MGMT: variants seen among roughly 807,000 people sequenced by gnomAD.
MGMT encodes methylated-DNA--protein-cysteine methyltransferase.
MGMT carries 14 observed loss-of-function variants against 15.9 expected under a neutral mutation model. The ratio of observed to expected loss-of-function variants is 0.88; its 90% CI spans 0.58 to 1.37. The LOEUF (loss-of-function observed/expected upper bound fraction) is 1.37. Among genes scored for constraint, MGMT ranks in the 40% most tolerant of loss-of-function variants. MGMT has a pLI of 0.00. For synonymous variants in MGMT, 130 were observed against 118.2 expected, an observed-to-expected ratio of 1.10 and a Z score of -0.65; for missense variants, 282 against 268.1, an observed-to-expected ratio of 1.05 and a Z score of -0.36.
chr10:129,544,489 T>C (rs774100380), intron 2 of MGMT, among the ~76,000 whole-genome samples: 5 of 152,202 alleles, frequency 3.3e-5, no homozygotes, highest in Admixed American at 6.5e-5. Context: ...GTATCCTGTC[T>C]AGGATTCATA....
intron 2 of MGMT, among the ~76,000 whole-genome samples, chr10:129,637,731 G>C (rs1847278304): frequency 6.6e-6 from 1 of 152,158 alleles, no homozygotes; most frequent in Admixed American, 6.5e-5. Context: ...GTCCTTATAA[G>C]AAGAGGAGAT....
At chr10:129,675,083 A>ACC (rs1847768900) in intron 2 of MGMT, among the ~76,000 whole-genome samples, 1 of 152,084 alleles carries the variant, frequency 6.6e-6, no homozygotes, top group South Asian at 2.1e-4. Flanking sequence ...GTGAAGAAGG[A>ACC]CCCCACCTTG....
intron 2 of MGMT, among the ~76,000 whole-genome samples, chr10:129,637,496 GGAGGGCT>G (rs1230963693): frequency 6.6e-6 from 1 of 152,194 alleles, no homozygotes; most frequent in African/African-American, 2.4e-5. Flanking sequence ...TACGATTTTA[GGAGGGCT>G]GAGAGTAGAT....
At chr10:129,657,703 A>ACACACACACACG (rs1467822718) in intron 2 of MGMT, among the ~76,000 whole-genome samples, 29 of 124,610 alleles carry the variant, frequency 2.3e-4, no homozygotes, top group East Asian at 1.2e-3. Flanking sequence ...ACACACACAC[A>ACACACACACACG]CACGCACACA....
chr10:129,468,173 T>C (rs1451204794), intron 1 of MGMT, among the ~76,000 whole-genome samples: 1 of 152,208 alleles, frequency 6.6e-6, no homozygotes, highest in Admixed American at 6.5e-5. Flanking sequence ...AGTCAGGCTC[T>C]CCCGTCATCT....
At chr10:129,652,372 A>G (rs1299563765) in intron 2 of MGMT, among the ~76,000 whole-genome samples, 2 of 152,070 alleles carry the variant, frequency 1.3e-5, no homozygotes, top group African/African-American at 4.8e-5. Flanking sequence ...GCCTGCCTGC[A>G]CGGTGGGTCC....
chr10:129,647,580 T>C (rs1483070623), intron 2 of MGMT, among the ~76,000 whole-genome samples: 3 of 152,214 alleles, frequency 2.0e-5, no homozygotes, highest in Admixed American at 6.5e-5. Flanking sequence ...CAAGAGATCC[T>C]AAACATTTTT....
intron 1 of MGMT, among the ~76,000 whole-genome samples, chr10:129,487,957 ACAC>A: frequency 7.4e-6 from 1 of 135,170 alleles, no homozygotes; most frequent in African/African-American, 3.5e-5. Flanking sequence ...ACACACAAAC[ACAC>A]ATAGGTGTAT....
intron 2 of MGMT, among the ~76,000 whole-genome samples, chr10:129,674,297 TC>T: frequency 6.6e-6 from 1 of 152,096 alleles, no homozygotes. Flanking sequence ...TAGTATAAAC[TC>T]CTCACTGACG....
intron 2 of MGMT, among the ~76,000 whole-genome samples, chr10:129,665,750 T>C (rs996906537): frequency 2.6e-5 from 4 of 152,198 alleles, no homozygotes; most frequent in Non-Finnish European, 5.9e-5. Flanking sequence ...AGGGTGAGTT[T>C]TACTTCATGT....
At chr10:129,722,810 A>G (rs995901823) in intron 3 of MGMT, among the ~76,000 whole-genome samples, 1 of 152,142 alleles carries the variant, frequency 6.6e-6, no homozygotes, top group Non-Finnish European at 1.5e-5. Context: ...GTTCAAGACC[A>G]GCCTTGCAAA....
At chr10:129,561,342 G>A (rs1376495095) in intron 2 of MGMT, among the ~76,000 whole-genome samples, 1 of 152,118 alleles carries the variant, frequency 6.6e-6, no homozygotes, top group East Asian at 1.9e-4. Context: ...CGGCGAGCGA[G>A]GAGGTCGGGA....
chr10:129,760,937 C>T (rs769570764), intron 4 of MGMT, among the ~76,000 whole-genome samples: 6 of 152,196 alleles, frequency 3.9e-5, no homozygotes, highest in Non-Finnish European at 7.3e-5. Context: ...TGTCATAAAA[C>T]ATCTGCACCA....
intron 1 of MGMT, among the ~76,000 whole-genome samples, chr10:129,515,765 G>C (rs1011070598): frequency 5.9e-5 from 9 of 152,164 alleles, no homozygotes; most frequent in African/African-American, 2.2e-4. Flanking sequence ...CCTGTGGACT[G>C]TAAAAGCAGG....
intron 1 of MGMT, among the ~76,000 whole-genome samples, chr10:129,507,622 C>T (rs1057084881): frequency 2.0e-4 from 31 of 152,064 alleles, no homozygotes; most frequent in African/African-American, 5.1e-4. Flanking sequence ...GAGAGTGGGC[C>T]GGAGGAGATG....
chr10:129,620,704 T>C (rs180984655), intron 2 of MGMT, among the ~76,000 whole-genome samples: 4 of 152,358 alleles, frequency 2.6e-5, no homozygotes, highest in Admixed American at 2.0e-4. Flanking sequence ...TTGATCTATT[T>C]CTTTATATTT....
intron 1 of MGMT, among the ~76,000 whole-genome samples, chr10:129,529,861 CTT>C (rs1845911386): frequency 6.6e-6 from 1 of 151,974 alleles, no homozygotes; most frequent in South Asian, 2.1e-4. Flanking sequence ...TTGGGGTACT[CTT>C]TATTTCTTTG....
intron 3 of MGMT, among the ~76,000 whole-genome samples, chr10:129,729,957 G>T (rs1172610175): frequency 2.6e-5 from 4 of 152,114 alleles, no homozygotes; most frequent in Non-Finnish European, 4.4e-5. Flanking sequence ...TTGATATGAG[G>T]TGTCTGCTGG....
intron 2 of MGMT, among the ~76,000 whole-genome samples, chr10:129,692,948 T>C (rs1395838028): frequency 6.6e-6 from 1 of 152,210 alleles, no homozygotes; most frequent in Non-Finnish European, 1.5e-5. Flanking sequence ...GTAAGTTCTG[T>C]AGAGTGGACG....
Sources: gnomAD v4.1 joint callset for allele counts (sites outside exome capture counted in the v4.1 genomes callset) on GRCh38, gnomAD v4.1.1 for gene constraint, MANE v1.5 for transcripts, NCBI Gene and HGNC (gene_info 2026-07-23, HGNC 2026-07-21) for gene names.